ABCG1: variants seen among roughly 807,000 people sequenced by gnomAD.
The protein encoded by ABCG1 is ATP-binding cassette sub-family G member 1.
Under a neutral mutation model 69.2 loss-of-function variants are expected in ABCG1, and 29 were observed. That is an observed-to-expected ratio of 0.42 (90% CI 0.31 to 0.57). The LOEUF is 0.57. Ranked by LOEUF, ABCG1 falls within the 20% of genes least tolerant of loss-of-function variation. The probability of loss-of-function intolerance (pLI) is 0.15; values close to 1 mark genes in which losing one functional copy is unlikely to be tolerated. For missense variants in ABCG1, 718 were observed against 898.1 expected, an observed-to-expected ratio of 0.80 and a Z score of 2.56; for synonymous variants, 370 against 374.8, an observed-to-expected ratio of 0.99 and a Z score of 0.15.
In ABCG1 at chr21:42,291,352, G is replaced by C. The variant is rs757200193; in HGVS notation, c.1495-146G>C. On this transcript the variant is annotated intron_variant, in intron 12 of 14. Coordinates refer to ENST00000398449, the MANE Select transcript of ABCG1 (RefSeq NM_016818.3). This position sits in a 1 kb window ranked among gnomAD's most constrained non-coding sequence, Gnocchi z 6.4. The stretch of plus-strand genomic sequence containing the variant: ...GAAGGGCCTGACTTCGGGAGCTGTG[G>C]CGGGAGCTGTGGGGAGTGGGGAAGG... 147 of 1,234,052 alleles carry C rather than the reference G, an allele frequency of 1.2e-4. No individual in the cohort carries two copies. The highest frequency in any genetic ancestry group is 1.6e-4 in the Non-Finnish European group (138 of 879,794). 76.4% of individuals were successfully genotyped at this position (1,234,052 alleles called of 1,614,324 possible).
intron 3 of ABCG1, among the ~76,000 whole-genome samples, chr21:42,272,410 C>G (rs1337288502): frequency 1.3e-5 from 2 of 152,242 alleles, no homozygotes; most frequent in South Asian, 4.1e-4. Context: ...GCCAGTTGAC[C>G]CCAGCCTGTG....
Position 42,219,716 on chromosome 21 carries a change from C to G in ABCG1, c.42+412C>G. The G allele has an allele frequency of 9.6e-7, 1 of 1,044,114 alleles. No individual in the cohort carries two copies. Among genetic ancestry groups the G allele is most frequent in the Non-Finnish European group, 1.3e-6 (1 of 757,134 alleles). The allele number at this position is 1,044,114 out of a possible 1,614,324, so 64.7% of individuals were successfully genotyped here. A position where few individuals can be genotyped will look rare whatever the true frequency, so the allele number is the denominator to read the frequency against. ...GGGGACTTGAAGAAGGGGAGCCCCG[C>G]GCGCGCGGCTGTGGGCTTGGGGACC... On this transcript the variant is annotated intron_variant, in intron 1 of 14. Coordinates refer to ENST00000398449, the MANE Select transcript of ABCG1 (RefSeq NM_016818.3). This position sits in a 1 kb window ranked among gnomAD's most constrained non-coding sequence, Gnocchi z 5.3.
At chr21:42,285,121 G>A (rs1230967260) in intron 7 of ABCG1, among the ~76,000 whole-genome samples, 1 of 152,128 alleles carries the variant, frequency 6.6e-6, no homozygotes, top group Non-Finnish European at 1.5e-5. Context: ...CACCTCCCCT[G>A]TTAAAATGGG....
rs557328098 is a variant in ABCG1, at chr21:42,287,673, C to T, written c.974-216C>T. 1.1e-4 allele frequency among the ~76,000 whole-genome samples: 16 copies of T among 152,336 alleles called. 1 individual carries two copies. The highest frequency in any genetic ancestry group is 8.3e-4 in the South Asian group (4 of 4,830). ...CCACTGACAGCACAGTGTGTGTTTG[C>T]GTTTCCCGTCTCCTGACATGATAAA... On this transcript the variant is annotated intron_variant, in intron 8 of 14. Coordinates refer to ENST00000398449, the MANE Select transcript of ABCG1 (RefSeq NM_016818.3). This position sits in a 1 kb window ranked among gnomAD's most constrained non-coding sequence, Gnocchi z 6.2.
At chr21:42,260,731 A>G (rs2068393720) in intron 2 of ABCG1, among the ~76,000 whole-genome samples, 1 of 152,198 alleles carries the variant, frequency 6.6e-6, no homozygotes, top group African/African-American at 2.4e-5. Context: ...CCAGAAACTG[A>G]ACAAGGACCC....
intron 4 of ABCG1, among the ~76,000 whole-genome samples, chr21:42,274,287 C>T (rs2068669879): frequency 6.6e-6 from 1 of 152,182 alleles, no homozygotes; most frequent in South Asian, 2.1e-4. Context: ...GTAAGCCTCC[C>T]CACAGTATCT....
chr21:42,271,178 C>G lies in ABCG1; in HGVS notation c.395C>G (p.Ala132Gly). 1 of 1,565,610 alleles carries G rather than the reference C, an allele frequency of 6.4e-7. No homozygotes were observed. The highest frequency in any genetic ancestry group is 8.6e-7 in the Non-Finnish European group (1 of 1,159,236). Residue 132 changes from alanine (A) to glycine (G), a missense_variant, in exon 3 of 15, where the codon GCT becomes GGT. Ala to Gly is a moderately conservative substitution (Grantham distance 60). Coordinates refer to ENST00000398449, the MANE Select transcript of ABCG1 (RefSeq NM_016818.3). ...AAGTCCACGCTGATGAACATCCTGG[C>G]TGGATACAGGTGAGCAGCCCTGCCC... Reference protein sequence around the residue: ...AGKSTLMNILAGYRETGMKGA... With the variant: ...AGKSTLMNILGGYRETGMKGA...
chr21:42,212,834 C>A (rs2067602158), upstream of ABCG1, among the ~76,000 whole-genome samples: 1 of 151,742 alleles, frequency 6.6e-6, no homozygotes, highest in Non-Finnish European at 1.5e-5. Context: ...GCTGGGGCTA[C>A]AGGTGCCCGC....
chr21:42,229,904 T>C (rs575268449), intron 2 of ABCG1, among the ~76,000 whole-genome samples: 34 of 152,300 alleles, frequency 2.2e-4, no homozygotes, highest in Non-Finnish European at 4.3e-4. Flanking sequence ...ACCACTCCGG[T>C]TGTTTCCAGG....
intron 2 of ABCG1, among the ~76,000 whole-genome samples, chr21:42,205,312 A>C (rs1477929601): frequency 6.6e-6 from 1 of 151,966 alleles, no homozygotes; most frequent in Non-Finnish European, 1.5e-5. Flanking sequence ...AATTTTATTG[A>C]TTGTGGCCAG....
At chr21:42,243,443 T>C (rs3787976) in intron 2 of ABCG1, among the ~76,000 whole-genome samples, 2,825 of 89,452 alleles carry the variant, frequency 0.032, 65 homozygotes, top group Admixed American at 0.098. Flanking sequence ...ACCGTGTGTG[T>C]GCGCGTGTGT....
Position 42,296,138 on chromosome 21 carries a change from C to A in ABCG1, c.1773-26C>A, listed in dbSNP as rs745772299. 38 of 1,595,566 alleles carry A rather than the reference C, an allele frequency of 2.4e-5. 1 individual carries two copies. The highest frequency in any genetic ancestry group is 3.1e-5 in the Non-Finnish European group (36 of 1,163,534). Reference sequence around the variant, plus strand: ...GCGTGGCTGGCTGGGAGAACGTCCTCCCTCATGCCTGGCCTTTCCTCCTAG... The same window carrying A: ...GCGTGGCTGGCTGGGAGAACGTCCTACCTCATGCCTGGCCTTTCCTCCTAG... On this transcript the variant is annotated intron_variant, in intron 14 of 14. Coordinates refer to ENST00000398449, the MANE Select transcript of ABCG1 (RefSeq NM_016818.3). This position sits in a 1 kb window ranked among gnomAD's most constrained non-coding sequence, Gnocchi z 5.4.
intron 2 of ABCG1, among the ~76,000 whole-genome samples, chr21:42,250,856 C>T (rs935939367): frequency 1.3e-5 from 2 of 152,090 alleles, no homozygotes; most frequent in Non-Finnish European, 2.9e-5. Context: ...GGGGTGTGTG[C>T]GGGGTATAGG....
Position 42,219,143 on chromosome 21 carries a change from GCCCAAGCGCAGCCCGCA to G in ABCG1, c.-116_-100del. On this transcript the variant is annotated 5_prime_UTR_variant, in exon 1 of 15. Coordinates refer to ENST00000398449, the MANE Select transcript of ABCG1 (RefSeq NM_016818.3). This position sits in a 1 kb window ranked among gnomAD's most constrained non-coding sequence, Gnocchi z 5.3. ...GAGCCGGAGCCGGATCCCAGCCGGA[GCCCAAGCGCAGCCCGCA>G]CCCCGCGCAGCGGCTGAGCCGGGAG... 1 of 958,298 alleles carries G rather than the reference GCCCAAGCGCAGCCCGCA, an allele frequency of 1.0e-6. No individual in the cohort carries two copies. Among genetic ancestry groups the G allele is most frequent in the South Asian group, 4.7e-5 (1 of 21,066 alleles). The allele number at this position is 958,298 out of a possible 1,614,324, so 59.4% of individuals were successfully genotyped here. A position where few individuals can be genotyped will look rare whatever the true frequency, so the allele number is the denominator to read the frequency against.
chr21:42,239,690 C>G (rs1215341443), intron 2 of ABCG1, among the ~76,000 whole-genome samples: 1 of 152,214 alleles, frequency 6.6e-6, no homozygotes, highest in African/African-American at 2.4e-5. Flanking sequence ...CCACACTGGT[C>G]CCCTGGCTGG....
intron 2 of ABCG1, among the ~76,000 whole-genome samples, chr21:42,233,112 C>A (rs1285524231): frequency 6.6e-6 from 1 of 152,194 alleles, no homozygotes; most frequent in Non-Finnish European, 1.5e-5. Flanking sequence ...GGTTTTCAGT[C>A]ATGAGTGGTG....
At chr21:42,225,263 A>G (rs1219544632) in intron 1 of ABCG1, among the ~76,000 whole-genome samples, 1 of 152,228 alleles carries the variant, frequency 6.6e-6, no homozygotes, top group Non-Finnish European at 1.5e-5. Context: ...CAGTGTAAAT[A>G]TAAGTTTCTC....
intron 2 of ABCG1, chr21:42,259,506 G>A: frequency 1.3e-6 from 2 of 1,545,042 alleles, no homozygotes; most frequent in Non-Finnish European, 1.7e-6. Flanking sequence ...TCCACTCAAG[G>A]TGCATTGACT....
chr21:42,200,414 A>T (rs1327066450), intron 1 of ABCG1, among the ~76,000 whole-genome samples: 1 of 152,152 alleles, frequency 6.6e-6, no homozygotes, highest in Non-Finnish European at 1.5e-5. Flanking sequence ...GCATGAATAC[A>T]GTCTTCCTGG....
Sources: allele counts gnomAD v4.1 joint callset (sites outside exome capture counted in the v4.1 genomes callset), GRCh38; gene constraint gnomAD v4.1.1; non-coding constraint Gnocchi (gnomAD v3.1); transcripts MANE v1.5; gene names NCBI Gene and HGNC (gene_info 2026-07-23, HGNC 2026-07-21).